The following C3orf49 variants were observed in gnomAD, a reference collection of about 807,000 sequenced individuals.
C3orf49 encodes putative uncharacterized protein C3orf49.
A neutral mutation model predicts 13.3 loss-of-function variants in C3orf49; 27 were observed. That is an observed-to-expected ratio of 2.02 (90% CI 1.49 to 2.79). The LOEUF is 2.79. Among genes scored for constraint, C3orf49 ranks in the 30% most tolerant of loss-of-function variants. The pLI is 0.00. For synonymous variants in C3orf49, 87 were observed against 47.6 expected (o/e 1.83, Z -3.40); for missense variants, 242 against 134.2 (o/e 1.80, Z -3.97).
the C3orf49 span, among the ~76,000 whole-genome samples, chr3:63,808,347 T>C: frequency 6.6e-6 from 1 of 152,222 alleles, no homozygotes; most frequent in Non-Finnish European, 1.5e-5. Flanking sequence ...CCCTAAATGA[T>C]GTTATTTCAT....
chr3:63,835,153 C>A (rs754129889), intron 5 of C3orf49: 2 of 1,613,254 alleles, frequency 1.2e-6, no homozygotes, highest in South Asian at 2.2e-5. Context: ...TTTCTACTTA[C>A]TTTCCAATGT....
intron 5 of C3orf49, among the ~76,000 whole-genome samples, chr3:63,843,856 A>G (rs1055308949): frequency 2.6e-5 from 4 of 152,066 alleles, no homozygotes; most frequent in African/African-American, 7.2e-5. Context: ...AACCGAGATC[A>G]CGCCACTGCA....
intron 5 of C3orf49, among the ~76,000 whole-genome samples, chr3:63,844,411 CTAGT>C (rs1469779509): frequency 3.3e-5 from 5 of 152,138 alleles, no homozygotes; most frequent in Non-Finnish European, 7.3e-5. Flanking sequence ...TGTTAATTAG[CTAGT>C]TAACCATTCC....
chr3:63,829,975 A>G (rs1701512694), intron 3 of C3orf49, among the ~76,000 whole-genome samples: 1 of 152,166 alleles, frequency 6.6e-6, no homozygotes, highest in African/African-American at 2.4e-5. Flanking sequence ...TAAAATATAT[A>G]TATGTATTTG....
upstream of C3orf49, among the ~76,000 whole-genome samples, chr3:63,817,106 T>G (rs1272735683): frequency 2.6e-5 from 4 of 152,150 alleles, no homozygotes; most frequent in Admixed American, 2.0e-4. Context: ...ACACTGGGCT[T>G]CTTCCACCTC....
rs200825086 is a variant in C3orf49, at chr3:63,838,504, T to C, written c.850-6519T>C. On this transcript the variant is annotated intron_variant, in intron 5 of 6. Transcript: ENST00000295896. ...ATACGTTGGTACTGGCTATATCTAA[T>C]GAAAAAGAAAGAAAACCAAAATAAA... The C allele has an allele frequency of 2.8e-5, 44 of 1,579,922 alleles. No individual in the cohort carries two copies. In the African/African-American group the frequency reaches 5.2e-4, roughly 19 times the overall value.
the C3orf49 span, among the ~76,000 whole-genome samples, chr3:63,780,690 G>A: frequency 3.9e-5 from 6 of 152,178 alleles, no homozygotes; most frequent in Admixed American, 1.3e-4. Context: ...TCTAACTGGT[G>A]TGAGATGGTA....
the C3orf49 span, among the ~76,000 whole-genome samples, chr3:63,801,586 A>G: frequency 6.6e-6 from 1 of 152,224 alleles, no homozygotes; most frequent in Non-Finnish European, 1.5e-5. Context: ...CGTAATAGAA[A>G]TAAGAGTAGA....
At chr3:63,830,885 TC>T (rs1459572330) in intron 3 of C3orf49, among the ~76,000 whole-genome samples, 3 of 152,172 alleles carry the variant, frequency 2.0e-5, no homozygotes, top group Non-Finnish European at 4.4e-5. Context: ...CCAGACAATC[TC>T]ATTTCTCTGT....
intron 5 of C3orf49, chr3:63,838,247 G>A (rs1701674800): frequency 4.4e-6 from 4 of 916,170 alleles, no homozygotes; most frequent in Non-Finnish European, 6.4e-6. Context: ...AACATTTACT[G>A]TATTCTTTCC....
chr3:63,800,107 G>A, the C3orf49 span, among the ~76,000 whole-genome samples: 1 of 152,144 alleles, frequency 6.6e-6, no homozygotes, highest in Non-Finnish European at 1.5e-5. Flanking sequence ...GATAATTGAG[G>A]CAAAGGTATG....
the C3orf49 span, among the ~76,000 whole-genome samples, chr3:63,797,205 C>T: frequency 6.6e-6 from 1 of 151,996 alleles, no homozygotes. Flanking sequence ...TTCCCTCTGG[C>T]ATGTTTCAAG....
chr3:63,838,381 T>G (rs1250548936), intron 5 of C3orf49: 2 of 1,520,242 alleles, frequency 1.3e-6, no homozygotes, highest in Non-Finnish European at 1.8e-6. Flanking sequence ...CCTATTTCCT[T>G]GTAAATTTTT....
the C3orf49 span, among the ~76,000 whole-genome samples, chr3:63,811,935 A>G: frequency 6.9e-5 from 10 of 144,136 alleles, no homozygotes; most frequent in African/African-American, 2.4e-4. Context: ...ATTTAAAATT[A>G]AAAAAAAAAA....
chr3:63,838,341 A>T, intron 5 of C3orf49: 2 of 1,375,824 alleles, frequency 1.5e-6, no homozygotes, highest in Non-Finnish European at 2.0e-6. Flanking sequence ...TAAAAAATAA[A>T]ATTACAGATA....
the C3orf49 span, among the ~76,000 whole-genome samples, chr3:63,794,292 C>G: frequency 6.6e-6 from 1 of 152,104 alleles, no homozygotes; most frequent in Non-Finnish European, 1.5e-5. Flanking sequence ...TTTCTATAAA[C>G]AAACTGTGCT....
chr3:63,790,855 A>T, the C3orf49 span, among the ~76,000 whole-genome samples: 1 of 152,284 alleles, frequency 6.6e-6, no homozygotes, highest in South Asian at 2.1e-4. Context: ...GTGCTTCAGA[A>T]AAACTGTGGA....
the C3orf49 span, among the ~76,000 whole-genome samples, chr3:63,780,285 C>T: frequency 6.6e-6 from 1 of 152,234 alleles, no homozygotes; most frequent in Admixed American, 6.5e-5. Context: ...ATGATGGTTT[C>T]CAGCTTCATC....
At chr3:63,846,245 TA>T (rs1298844504) in intron 6 of C3orf49, 1 of 447,720 alleles carries the variant, frequency 2.2e-6, no homozygotes, top group African/African-American at 2.0e-5. Flanking sequence ...ACAGTTTCCT[TA>T]TAAGAGAATC....
Sources: gnomAD v4.1 joint callset for allele counts (sites outside exome capture counted in the v4.1 genomes callset) on GRCh38, gnomAD v4.1.1 for gene constraint, MANE v1.5 for transcripts, NCBI Gene and HGNC (gene_info 2026-07-23, HGNC 2026-07-21) for gene names.